The following ZAN variants were observed in gnomAD, a reference collection of about 807,000 sequenced individuals.
ZAN encodes the protein zonadhesin, also known as zonadhesin (gene/pseudogene).
Under a neutral mutation model 286.2 loss-of-function variants are expected in ZAN, and 260 were observed. The observed-to-expected ratio is 0.91, with a 90% CI of 0.82 to 1.01. The LOEUF is 1.01. ZAN is among the 50% of genes least tolerant of loss of function. The pLI is 0.00. For synonymous variants in ZAN, 1,368 were observed against 1,417.5 expected, an observed-to-expected ratio of 0.97 and a Z score of 0.79; for missense variants, 3,410 against 3,639.2, an observed-to-expected ratio of 0.94 and a Z score of 1.62.
intron 17 of ZAN, 28 bp from the exon 18 acceptor site, chr7:100,759,693 G>A (rs758622174): frequency 1.0e-5 from 16 of 1,565,318 alleles, no homozygotes; most frequent in South Asian, 3.5e-5. Flanking sequence ...TGAGCCACTG[G>A]GCTCTCTTCA....
chr7:100,737,142 G>A, intron 5 of ZAN, 62 bp downstream of exon 5: 4 of 1,452,866 alleles, frequency 2.8e-6, no homozygotes, highest in Non-Finnish European at 3.7e-6. Flanking sequence ...GAGCCTGAGG[G>A]TGGGGGTGTG....
chr7:100,753,280 T>A (rs1808914598), intron 14 of ZAN, 51 bp downstream of exon 14: 1 of 1,509,756 alleles, frequency 6.6e-7, no homozygotes, highest in Admixed American at 2.3e-5. Context: ...AGACAATGAC[T>A]AGGAGACAGT....
At chr7:100,756,258 C>A (rs1414349334) in intron 15 of ZAN, among the ~76,000 whole-genome samples, 1 of 151,870 alleles carries the variant, frequency 6.6e-6, no homozygotes, top group Non-Finnish European at 1.5e-5. Context: ...TATATGCAAC[C>A]TATTAATTAA....
At chr7:100,766,040 G>C (rs1809946358) in intron 23 of ZAN, among the ~76,000 whole-genome samples, 1 of 151,178 alleles carries the variant, frequency 6.6e-6, no homozygotes, top group African/African-American at 2.4e-5. Context: ...GGGCTGGAGT[G>C]CAGTGGCACG....
chr7:100,784,724 T>A lies in ZAN; in HGVS notation c.6724T>A (p.Ser2242Thr). ...CCGGTGTGAGGGCGCCAAAGTCCCC[T>A]CTGCCTGCGCTGAGGGCTGCATTTG... is the stretch of plus-strand genomic sequence containing the variant. ...DGRCEGAKVP[S>T]ACAEGCICQP... The change falls in exon 36 of 48, where the codon TCT becomes ACT. Residue 2242 changes from serine to threonine, a missense_variant. By Grantham distance (58) the Ser-to-Thr change is moderately conservative. This residue lies in a region of ZAN where 1,289 missense variants were observed against 1,314.3 expected (regional missense o/e 0.98). Transcript: ENST00000613979. 1 of 1,613,926 alleles carries A rather than the reference T, an allele frequency of 6.2e-7. No individual in the cohort carries two copies. Among genetic ancestry groups the A allele is most frequent in the Non-Finnish European group, 8.5e-7 (1 of 1,179,878 alleles).
chr7:100,792,412 G>C lies in ZAN; in HGVS notation c.7720G>C (p.Val2574Leu), dbSNP rs775595997. Residue 2574 changes from valine (V) to leucine (L), a missense_variant, in exon 42 of 48, where the codon GTG becomes CTG. This residue lies in a region of ZAN where 1,289 missense variants were observed against 1,314.3 expected (regional missense o/e 0.98). Transcript: ENST00000613979. ...VAPEPFQEHC[V>L]LDLCSAQDPR... ...GCCCCCTCTCTGCACCAGGCACTGCGTGCTGGATCTGTGCTCTGCTCAGGA... is the reference window on the plus strand; with the variant it reads ...GCCCCCTCTCTGCACCAGGCACTGCCTGCTGGATCTGTGCTCTGCTCAGGA... 2.5e-6 allele frequency: 4 copies of C among 1,611,556 alleles called. No homozygotes were observed. The highest frequency in any genetic ancestry group is 2.5e-6 in the Non-Finnish European group (3 of 1,178,436).
At chr7:100,744,947 G>A (rs1443417775) in intron 7 of ZAN, among the ~76,000 whole-genome samples, 5 of 150,584 alleles carry the variant, frequency 3.3e-5, no homozygotes, top group Non-Finnish European at 3.0e-5. Flanking sequence ...GCGGTGACGC[G>A]ATCTCAGCTC....
chr7:100,762,270 A>C lies in ZAN; in HGVS notation c.3898A>C (p.Asn1300His), dbSNP rs1037788118. Residue 1300 changes from asparagine to histidine, a missense_variant, in exon 20 of 48, where the codon AAT (asparagine) becomes CAT (histidine). Physicochemically the swap from Asn to His is moderately conservative, Grantham distance 68 (BLOSUM62 1). Transcript: ENST00000613979. ...TGGGAACTATGACGGCAACAGTGACAATGACCACCTGAAGTTGGACGGCAG... is the reference window on the plus strand; with the variant it reads ...TGGGAACTATGACGGCAACAGTGACCATGACCACCTGAAGTTGGACGGCAG... ...LCGNYDGNSD[N>H]DHLKLDGSPA... The C allele has an allele frequency of 2.5e-6, 4 of 1,613,564 alleles. No homozygotes were observed. In the African/African-American group the frequency reaches 5.3e-5, roughly 22 times the overall value.
intron 44 of ZAN, 149 bp downstream of exon 44, chr7:100,794,407 G>A: frequency 7.5e-7 from 1 of 1,332,050 alleles, no homozygotes. Context: ...AAAGGACAAA[G>A]ATCTCCCGAT....
rs1404376753 is a variant in ZAN at position 100,765,459 on chromosome 7, G to A, written c.4375G>A (p.Ala1459Thr). The A allele has an allele frequency of 1.9e-6, 3 of 1,613,670 alleles. No homozygotes were observed. The East Asian group carries it at 6.7e-5, about 36-fold the overall frequency. The change falls in exon 23 of 48, where the codon GCC (alanine) becomes ACC (threonine). Residue 1459 changes from alanine (A) to threonine (T), a missense_variant. Physicochemically the swap from Ala to Thr is moderately conservative, Grantham distance 58. Around this residue, in one of 7 missense-constraint regions of ZAN, gnomAD observed 1,042 missense variants for 1,058.0 expected, o/e 0.98. Coordinates refer to ENST00000613979, the MANE Select transcript of ZAN (RefSeq NM_003386.3). The stretch of plus-strand genomic sequence containing the variant: ...GTTCTGCTCAGACCGGTGCGTGGAG[G>A]CCTGTGAATGCAATCCGGGCTTCGT... The part of the protein sequence containing the change: ...GMFCSDRCVE[A>T]CECNPGFVLS...
intron 35 of ZAN, among the ~76,000 whole-genome samples, chr7:100,780,216 T>C (rs1218402635): frequency 6.6e-6 from 1 of 151,926 alleles, no homozygotes; most frequent in East Asian, 1.9e-4. Context: ...AAGTGTCTTT[T>C]AGTATCTTGA....
chr7:100,756,250 T>C (rs887677568), intron 15 of ZAN, among the ~76,000 whole-genome samples: 1 of 152,156 alleles, frequency 6.6e-6, no homozygotes, highest in African/African-American at 2.4e-5. Flanking sequence ...ATGATAAATA[T>C]ATGCAACCTA....
At chr7:100,751,157 C>G (rs757435888) in intron 12 of ZAN, 25 bp from the exon 13 acceptor site, 1 of 1,559,994 alleles carries the variant, frequency 6.4e-7, no homozygotes, top group Non-Finnish European at 8.7e-7. Context: ...TTTCTCTCTC[C>G]GTCTCTCTCC....
In ZAN at chr7:100,762,221, C is replaced by T. The variant is rs1361826404; in HGVS notation, c.3849C>T (p.Tyr1283=). ...TCCTCTCCTGTTCCCCTAGCACATACTCTGGCAAACTCTGTGGTTTGTGTG... is the reference window on the plus strand; with the variant it reads ...TCCTCTCCTGTTCCCCTAGCACATATTCTGGCAAACTCTGTGGTTTGTGTG... ...QQLYVTVSST[Y]SGKLCGLCGN... is the part of the protein sequence containing the mutation. The change falls in exon 20 of 48, where the codon TAC becomes TAT. Residue 1283 remains tyrosine (Y), a synonymous_variant. Coordinates refer to ENST00000613979, the MANE Select transcript of ZAN (RefSeq NM_003386.3). 2.5e-6 allele frequency: 4 copies of T among 1,612,926 alleles called. No individual in the cohort carries two copies. In the African/African-American group the frequency reaches 5.3e-5, roughly 22 times the overall value.
rs577949921 is a variant in ZAN, at chr7:100,779,806, C to G, written c.6622+56C>G. 212 of 1,475,082 alleles carry G rather than the reference C, an allele frequency of 1.4e-4. 2 individuals are homozygous for G. The South Asian group carries it at 2.6e-3, about 18-fold the overall frequency. The allele number at this position is 1,475,082 out of a possible 1,614,324, so 91.4% of individuals were successfully genotyped here. A position where few individuals can be genotyped will look rare whatever the true frequency, so the allele number is the denominator to read the frequency against. ...CTCCCAAACCCCCTTTCCCTCTCTG[C>G]TTCCCTGAGAGCTCCCTCACTCTCC... On this transcript the variant is annotated intron_variant, in intron 35 of 47. Coordinates refer to ENST00000613979, the MANE Select transcript of ZAN (RefSeq NM_003386.3).
Position 100,750,857 on chromosome 7 carries a change from C to T in ZAN, c.1482C>T (p.Thr494=). The T allele has an allele frequency of 6.4e-7, 1 of 1,574,302 alleles. No individual in the cohort carries two copies. Among genetic ancestry groups the T allele is most frequent in the Non-Finnish European group, 8.6e-7 (1 of 1,158,086 alleles). ...CTCAGCGCCCTTACTGGCAGAACAC[C>T]TCCGTCACCGTCCCCTCAGGACACC... ...VGSQRPYWQN[T]SVTVPSGHQQ... is the part of the protein sequence containing the mutation. The change falls in exon 12 of 48, where the codon ACC becomes ACT. Residue 494 remains threonine, a synonymous_variant. Transcript: ENST00000613979.
At chr7:100,766,103 A>G (rs1809952046) in intron 23 of ZAN, among the ~76,000 whole-genome samples, 1 of 150,774 alleles carries the variant, frequency 6.6e-6, no homozygotes, top group Non-Finnish European at 1.5e-5. Flanking sequence ...TCTCCCGCCT[A>G]AGCCTCCCAA....
intron 7 of ZAN, among the ~76,000 whole-genome samples, chr7:100,745,738 T>C (rs1453157662): frequency 6.9e-6 from 1 of 145,520 alleles, no homozygotes; most frequent in Non-Finnish European, 1.5e-5. Context: ...AAAAAAAAAT[T>C]AGCTGGGCGG....
chr7:100,788,092 G>C lies in ZAN; in HGVS notation c.7183G>C (p.Val2395Leu). 8 of 1,566,398 alleles carry C rather than the reference G, an allele frequency of 5.1e-6. No individual in the cohort carries two copies. Among genetic ancestry groups the C allele is most frequent in the Non-Finnish European group, 6.1e-6 (7 of 1,148,426 alleles). Residue 2395 changes from valine (V) to leucine (L), a missense_variant, in exon 38 of 48, where the codon GTC becomes CTC. By Grantham distance (32) the Val-to-Leu change is conservative. This residue lies in a region of ZAN where 1,289 missense variants were observed against 1,314.3 expected (regional missense o/e 0.98). Transcript: ENST00000613979. ...CTTCTTGCAGGAAGTGATTACCACC[G>C]TCTACGGCTATAAAGTGCAGCTCCA... ...SIFLQEVITT[V>L]YGYKVQLQAG...
Sources: allele counts gnomAD v4.1 joint callset (sites outside exome capture counted in the v4.1 genomes callset), GRCh38; gene constraint gnomAD v4.1.1; regional missense constraint gnomAD v4.1.1; transcripts MANE v1.5; gene names NCBI Gene and HGNC (gene_info 2026-07-23, HGNC 2026-07-21).